Variants in PCDH10 observed in about 807,000 individuals in gnomAD.
PCDH10 encodes protocadherin-10.
In PCDH10, 15 loss-of-function variants were observed where a neutral mutation model predicts 74.4. The ratio of observed to expected loss-of-function variants is 0.20; its 90% CI spans 0.13 to 0.31. The LOEUF is 0.31. PCDH10 is among the 10% of genes least tolerant of loss of function. PCDH10 has a pLI of 1.00. For missense variants in PCDH10, 1,260 were observed against 1,390.2 expected, an observed-to-expected ratio of 0.91 and a Z score of 1.49; for synonymous variants, 619 against 589.8, an observed-to-expected ratio of 1.05 and a Z score of -0.72.
At chr4:133,197,161 A>G (rs1727811022), downstream of PCDH10, among the ~76,000 whole-genome samples, 1 of 152,174 alleles carries the variant, frequency 6.6e-6, no homozygotes, top group Admixed American at 6.5e-5. Flanking sequence ...ATAGTCCTCT[A>G]TCTCTACTAT....
At chr4:133,201,424 G>A (rs756180201) in intron 2 of PCDH10, among the ~76,000 whole-genome samples, 11 of 152,094 alleles carry the variant, frequency 7.2e-5, no homozygotes, top group Non-Finnish European at 1.3e-4. Flanking sequence ...CCTGGGGGAA[G>A]GCCCTGCACA....
intron 4 of PCDH10, among the ~76,000 whole-genome samples, chr4:133,171,778 C>A (rs1206411631): frequency 6.6e-6 from 1 of 152,016 alleles, no homozygotes; most frequent in Admixed American, 6.6e-5. Flanking sequence ...GGATAAAATT[C>A]TTGTATATTA....
rs1479892198 is a variant in PCDH10 at position 133,194,196 on chromosome 4, T to G, written c.*4036T>G. On this transcript the variant is annotated 3_prime_UTR_variant, in exon 5 of 5. Transcript: ENST00000264360. ...TTTCTAATCACTGTTATTTTTTAAG[T>G]ATTTGTAAAATTAGAAAAATTGCTT... 2 of 151,932 alleles carry G rather than the reference T, an allele frequency of 1.3e-5. No homozygotes were observed. The highest frequency in any genetic ancestry group is 4.8e-5 in the African/African-American group (2 of 41,454). The allele number at this position is 151,932 out of a possible 1,614,324, so 9.4% of individuals were successfully genotyped here.
rs1727742291 is a variant in PCDH10 at position 133,194,137 on chromosome 4, T to G, written c.*3977T>G. 1 of 151,884 alleles carries G rather than the reference T, an allele frequency of 6.6e-6. No individual in the cohort carries two copies. The highest frequency in any genetic ancestry group is 6.6e-5 in the Admixed American group (1 of 15,224). The allele number at this position is 151,884 out of a possible 1,614,324, so 9.4% of individuals were successfully genotyped here. A position where few individuals can be genotyped will look rare whatever the true frequency, so the allele number is the denominator to read the frequency against. Reference sequence around the variant, plus strand: ...AGAGTATTGCAGGCAATAATACGACTAAAATTCTAATACTTTTAGTGTGCA... The same window carrying G: ...AGAGTATTGCAGGCAATAATACGACGAAAATTCTAATACTTTTAGTGTGCA... On this transcript the variant is annotated 3_prime_UTR_variant, in exon 5 of 5. Transcript: ENST00000264360.
At chr4:133,156,888 A>C (rs1471910447) in intron 3 of PCDH10, among the ~76,000 whole-genome samples, 1 of 152,232 alleles carries the variant, frequency 6.6e-6, no homozygotes, top group Non-Finnish European at 1.5e-5. Flanking sequence ...GCATCTTCCC[A>C]GTAGCTACTT....
At chr4:133,179,511 T>C (rs909264907) in intron 4 of PCDH10, among the ~76,000 whole-genome samples, 1 of 152,174 alleles carries the variant, frequency 6.6e-6, no homozygotes. Flanking sequence ...ATACATTCTG[T>C]TCTTCTGACA....
chr4:133,190,262 T>C lies in PCDH10; in HGVS notation c.*102T>C. ...ATTATCTTGGCCATCCAGTTAGTCA[T>C]GTGTAACTGAGTATTAGATTTCGGA... is the stretch of plus-strand genomic sequence containing the variant. On this transcript the variant is annotated 3_prime_UTR_variant, in exon 5 of 5. Transcript: ENST00000264360. 2 of 1,002,086 alleles carry C rather than the reference T, an allele frequency of 2.0e-6. No homozygotes were observed. Among genetic ancestry groups the C allele is most frequent in the East Asian group, 4.8e-5 (2 of 41,948 alleles). The allele number at this position is 1,002,086 out of a possible 1,614,324, so 62.1% of individuals were successfully genotyped here. A position where few individuals can be genotyped will look rare whatever the true frequency, so the allele number is the denominator to read the frequency against.
chr4:133,155,237 T>C (rs920138714), intron 3 of PCDH10, among the ~76,000 whole-genome samples: 5 of 152,222 alleles, frequency 3.3e-5, no homozygotes, highest in African/African-American at 1.2e-4. Context: ...AGGAATTCAT[T>C]GTAGAGAGTG....
At position 133,191,787 on chromosome 4, in the gene PCDH10, C is replaced by A. The variant is rs879923680; in HGVS notation, c.*1627C>A. 2 of 151,524 alleles carry A rather than the reference C, an allele frequency of 1.3e-5. No individual in the cohort carries two copies. Among genetic ancestry groups the A allele is most frequent in the African/African-American group, 2.4e-5 (1 of 41,334 alleles). The allele number at this position is 151,524 out of a possible 1,614,324, so 9.4% of individuals were successfully genotyped here. ...ATGTTTGCCCAGTTCAAATTAGAAACCTGTTTTGAAATACTTTCCTTAATT... is the reference window on the plus strand; with the variant it reads ...ATGTTTGCCCAGTTCAAATTAGAAAACTGTTTTGAAATACTTTCCTTAATT... On this transcript the variant is annotated 3_prime_UTR_variant, in exon 5 of 5. Coordinates refer to ENST00000264360, the MANE Select transcript of PCDH10 (RefSeq NM_032961.3).
At chr4:133,200,639 T>C (rs1727886510) in intron 2 of PCDH10, among the ~76,000 whole-genome samples, 1 of 152,182 alleles carries the variant, frequency 6.6e-6, no homozygotes, top group Admixed American at 6.5e-5. Context: ...TAATAGAATG[T>C]TAATGCAGAA....
intron 4 of PCDH10, among the ~76,000 whole-genome samples, chr4:133,177,989 A>G (rs1306799368): frequency 6.6e-6 from 1 of 152,152 alleles, no homozygotes; most frequent in Non-Finnish European, 1.5e-5. Context: ...GACCAAGGGC[A>G]TTCTAGGAGC....
In PCDH10 at chr4:133,151,430, C is replaced by G. The variant is rs140875995; in HGVS notation, c.1290C>G (p.Thr430=). The G allele has an allele frequency of 1.2e-6, 2 of 1,614,056 alleles. No homozygotes were observed. The highest frequency in any genetic ancestry group is 1.7e-6 in the Non-Finnish European group (2 of 1,180,028). The change falls in exon 1 of 5, where the codon ACC becomes ACG. Residue 430 remains threonine, a synonymous_variant. Transcript: ENST00000264360. ...ACCGAGAGGCGGGGGACTCCTACAC[C>G]CTGACTGTAGTGGCTCGGGACCGGG... The part of the protein sequence containing the change: ...PLDREAGDSY[T]LTVVARDRGE...
chr4:133,160,492 A>C (rs550387570), intron 3 of PCDH10, among the ~76,000 whole-genome samples: 1 of 151,602 alleles, frequency 6.6e-6, no homozygotes, highest in Non-Finnish European at 1.5e-5. Context: ...AATCTAAGGA[A>C]ATTTTAACCA....
At chr4:133,176,510 C>T (rs1727299885) in intron 4 of PCDH10, among the ~76,000 whole-genome samples, 2 of 152,128 alleles carry the variant, frequency 1.3e-5, no homozygotes, top group South Asian at 4.1e-4. Context: ...GACAAAATTA[C>T]AATTCTGGGC....
intron 3 of PCDH10, among the ~76,000 whole-genome samples, chr4:133,156,465 C>A (rs1411695962): frequency 6.6e-6 from 1 of 152,246 alleles, no homozygotes; most frequent in Non-Finnish European, 1.5e-5. Context: ...AACCTGACAA[C>A]AAACCAGATC....
chr4:133,193,860 C>T lies in PCDH10; in HGVS notation c.*3700C>T, dbSNP rs1337412470. 1 of 151,582 alleles carries T rather than the reference C, an allele frequency of 6.6e-6. No individual in the cohort carries two copies. The highest frequency in any genetic ancestry group is 1.5e-5 in the Non-Finnish European group (1 of 67,690). 9.4% of individuals were successfully genotyped at this position (151,582 alleles called of 1,614,324 possible). A position where few individuals can be genotyped will look rare whatever the true frequency, so the allele number is the denominator to read the frequency against. On this transcript the variant is annotated 3_prime_UTR_variant, in exon 5 of 5. Coordinates refer to ENST00000264360, the MANE Select transcript of PCDH10 (RefSeq NM_032961.3). ...ATTTTGTAGTGGTAAAGGCTTTGCA[C>T]TTAACATCCTTTTGTGTTCCTTTTT...
intron 2 of PCDH10, among the ~76,000 whole-genome samples, chr4:133,201,865 A>AAC (rs1194668762): frequency 6.6e-6 from 1 of 151,286 alleles, no homozygotes; most frequent in East Asian, 1.9e-4. Flanking sequence ...TCAAAAAAAA[A>AAC]AAAAAAAAAA....
At chr4:133,157,657 A>G (rs1421328970) in intron 3 of PCDH10, among the ~76,000 whole-genome samples, 2 of 152,170 alleles carry the variant, frequency 1.3e-5, no homozygotes, top group Admixed American at 6.5e-5. Context: ...CATATTCCAC[A>G]CTATAGTGTA....
At chr4:133,184,434 G>A (rs533155257) in intron 4 of PCDH10, among the ~76,000 whole-genome samples, 28 of 151,634 alleles carry the variant, frequency 1.8e-4, no homozygotes, top group African/African-American at 6.8e-4. Context: ...ACCAGCCTGG[G>A]CAACATGGTG....
Sources: allele counts gnomAD v4.1 joint callset (sites outside exome capture counted in the v4.1 genomes callset), GRCh38; gene constraint gnomAD v4.1.1; transcripts MANE v1.5; gene names NCBI Gene and HGNC (gene_info 2026-07-23, HGNC 2026-07-21).